The following ESF1 variants were observed in gnomAD, a reference collection of about 807,000 sequenced individuals.
ESF1 encodes the protein ESF1 homolog.
In ESF1, 58 loss-of-function variants were observed where a neutral mutation model predicts 92.0. The observed-to-expected ratio is 0.63, with a 90% CI of 0.51 to 0.78. The LOEUF (loss-of-function observed/expected upper bound fraction) is 0.78. Ranked by LOEUF, ESF1 falls within the 30% of genes least tolerant of loss-of-function variation. The pLI is 0.00. For missense variants in ESF1, 922 were observed against 989.1 expected (o/e 0.93, Z 0.91); for synonymous variants, 321 against 313.7 (o/e 1.02, Z -0.24).
chr20:13,725,476 C>T (rs932186121), intron 11 of ESF1, among the ~76,000 whole-genome samples: 17 of 152,208 alleles, frequency 1.1e-4, no homozygotes, highest in African/African-American at 4.1e-4. Flanking sequence ...TTGGTCTCTA[C>T]TTCCTTACCT....
intron 7 of ESF1, among the ~76,000 whole-genome samples, chr20:13,767,880 T>C (rs1979499463): frequency 6.6e-6 from 1 of 152,204 alleles, no homozygotes; most frequent in Non-Finnish European, 1.5e-5. Context: ...TTAAAATCAC[T>C]GCCACCTGTC....
chr20:13,739,721 CAAA>C (rs112560154), intron 9 of ESF1, among the ~76,000 whole-genome samples: 3 of 77,934 alleles, frequency 3.8e-5, no homozygotes, highest in Non-Finnish European at 2.9e-5. Flanking sequence ...TAAGAAAGTT[CAAA>C]AAAAAAAAAA....
chr20:13,784,153 C>T (rs1980471306), intron 1 of ESF1, among the ~76,000 whole-genome samples: 1 of 152,006 alleles, frequency 6.6e-6, no homozygotes, highest in African/African-American at 2.4e-5. Flanking sequence ...GAGCTCATTC[C>T]CCCAAAACAT....
chr20:13,766,698 C>T, intron 8 of ESF1, 79 bp downstream of exon 8: 2 of 1,410,698 alleles, frequency 1.4e-6, no homozygotes, highest in Non-Finnish European at 9.8e-7. Context: ...AGCATATCTG[C>T]AGACAGAATT....
intron 10 of ESF1, among the ~76,000 whole-genome samples, chr20:13,729,299 G>T (rs1449907558): frequency 3.9e-5 from 6 of 152,160 alleles, no homozygotes; most frequent in South Asian, 2.1e-4. Context: ...CTTAATAAAT[G>T]CAGGAAACCA....
At chr20:13,747,593 G>GAA (rs139489858) in intron 9 of ESF1, among the ~76,000 whole-genome samples, 18 of 128,048 alleles carry the variant, frequency 1.4e-4, no homozygotes, top group South Asian at 4.9e-4. Context: ...ACTCAGTCTC[G>GAA]AAAAAAAAAA....
chr20:13,763,009 C>T (rs1055590082), intron 8 of ESF1: 2 of 219,282 alleles, frequency 9.1e-6, no homozygotes, highest in Non-Finnish European at 1.8e-5. Context: ...TACAGGCGCC[C>T]GCCACTACGC....
chr20:13,756,522 G>T (rs900456478), intron 9 of ESF1, among the ~76,000 whole-genome samples: 1 of 152,170 alleles, frequency 6.6e-6, no homozygotes, highest in Admixed American at 6.5e-5. Context: ...GACACAAAAA[G>T]TATTCATGCC....
chr20:13,725,120 C>A (rs2049892837), intron 11 of ESF1, among the ~76,000 whole-genome samples: 1 of 152,162 alleles, frequency 6.6e-6, no homozygotes, highest in Non-Finnish European at 1.5e-5. Flanking sequence ...TGCACCCTGC[C>A]CCCTCCAGTG....
At chr20:13,729,328 A>T (rs6042324) in intron 10 of ESF1, among the ~76,000 whole-genome samples, 1 of 152,124 alleles carries the variant, frequency 6.6e-6, no homozygotes, top group Non-Finnish European at 1.5e-5. Flanking sequence ...TTTTGGGAGA[A>T]ATGGAAGTTA....
rs145680605 is a variant in ESF1 at position 13,740,779 on chromosome 20, A to G, written c.1829-6937T>C. On this transcript the variant is annotated intron_variant, in intron 9 of 13. Coordinates refer to ENST00000617257, the MANE Select transcript of ESF1 (RefSeq NM_001276380.2). The stretch of plus-strand genomic sequence containing the variant: ...ACCCAAGACAACACTGTAGAGCAAG[A>G]CCACATCTCTCCTGACAGGATTCAA... Among the ~76,000 whole-genome samples the G allele has an allele frequency of 2.6e-3, 401 of 152,296 alleles. 1 individual carries two copies. The highest frequency in any genetic ancestry group is 4.6e-3 in the Non-Finnish European group (310 of 68,026).
At chr20:13,744,389 T>C (rs2050034537) in intron 9 of ESF1, among the ~76,000 whole-genome samples, 1 of 152,242 alleles carries the variant, frequency 6.6e-6, no homozygotes, top group African/African-American at 2.4e-5. Flanking sequence ...ATTCTACATA[T>C]GAGGAAAAAC....
rs765023052 is a variant in ESF1 at position 13,771,426 on chromosome 20, T to C, written c.1308A>G (p.Ala436=). The change falls in exon 6 of 14, where the codon GCA becomes GCG. Residue 436 remains alanine, a synonymous_variant. Transcript: ENST00000617257. ...YQFKRLKYYY[A]VVDCDSPETA... ...TTTCCGGAGAATCACAGTCTACTACTGCATAATAGTACTTCAGTCGTTTGA... is the reference window on the plus strand; with the variant it reads ...TTTCCGGAGAATCACAGTCTACTACCGCATAATAGTACTTCAGTCGTTTGA... The C allele has an allele frequency of 2.5e-5, 41 of 1,613,064 alleles. No individual in the cohort carries two copies. The Middle Eastern group carries it at 5.0e-4, about 20-fold the overall frequency.
intron 11 of ESF1, among the ~76,000 whole-genome samples, chr20:13,727,999 A>T (rs2049913359): frequency 6.6e-6 from 1 of 152,206 alleles, no homozygotes; most frequent in African/African-American, 2.4e-5. Context: ...GCTGAGAGGG[A>T]CCTAGAATGG....
chr20:13,718,818 G>C, intron 12 of ESF1, 90 bp downstream of exon 12: 1 of 836,724 alleles, frequency 1.2e-6, no homozygotes. Flanking sequence ...GCTAAAATAA[G>C]TTGTTTTTTA....
chr20:13,720,232 C>A (rs1021714063), intron 11 of ESF1, among the ~76,000 whole-genome samples: 1 of 152,170 alleles, frequency 6.6e-6, no homozygotes, highest in African/African-American at 2.4e-5. Flanking sequence ...AAGAGAAACA[C>A]CCAATACTGC....
intron 11 of ESF1, among the ~76,000 whole-genome samples, chr20:13,721,714 G>T (rs1460644079): frequency 6.6e-6 from 1 of 152,200 alleles, no homozygotes; most frequent in East Asian, 1.9e-4. Context: ...CCAGCCAAGA[G>T]AACATGCCAG....
chr20:13,766,694 T>G, intron 8 of ESF1, 83 bp downstream of exon 8: 1 of 1,375,042 alleles, frequency 7.3e-7, no homozygotes, highest in East Asian at 2.3e-5. Flanking sequence ...TGTGAGCATA[T>G]CTGCAGACAG....
Position 13,783,015 on chromosome 20 carries a change from A to G in ESF1, c.126T>C (p.Phe42=). 6 of 1,614,170 alleles carry G rather than the reference A, an allele frequency of 3.7e-6. No homozygotes were observed. Among genetic ancestry groups the G allele is most frequent in the Non-Finnish European group, 5.1e-6 (6 of 1,180,048 alleles). Residue 42 remains phenylalanine, a synonymous_variant, in exon 2 of 14, where the codon TTT becomes TTC. Coordinates refer to ENST00000617257, the MANE Select transcript of ESF1 (RefSeq NM_001276380.2). ...VKIDKRFRAM[F]HDKKFKLNYA... ...AGTTCAACTTGAACTTCTTGTCATG[A>G]AACATGGCTCGAAATCTCTTGTCAA...
Sources: gnomAD v4.1 joint callset for allele counts (sites outside exome capture counted in the v4.1 genomes callset) on GRCh38, gnomAD v4.1.1 for gene constraint, MANE v1.5 for transcripts, NCBI Gene and HGNC (gene_info 2026-07-23, HGNC 2026-07-21) for gene names.